The following RAPGEF4 variants were observed in gnomAD, a reference collection of about 807,000 sequenced individuals.
The protein encoded by RAPGEF4 is Rap guanine nucleotide exchange factor 4, also known as RAP guanine-nucleotide-exchange factor (GEF) 4.
In RAPGEF4, 66 loss-of-function variants were observed where a neutral mutation model predicts 147.9. That is an observed-to-expected ratio of 0.45 (90% CI 0.37 to 0.55). RAPGEF4 has a LOEUF of 0.55. Ranked by LOEUF, RAPGEF4 falls within the 20% of genes least tolerant of loss-of-function variation. The pLI, the probability that RAPGEF4 is intolerant of heterozygous loss-of-function variation, is 0.00. For missense variants in RAPGEF4, 1,071 were observed against 1,257.3 expected (o/e 0.85, Z 2.24); for synonymous variants, 419 against 442.7 (o/e 0.95, Z 0.67).
chr2:172,910,027 T>C (rs1699951602), intron 4 of RAPGEF4, among the ~76,000 whole-genome samples: 1 of 152,200 alleles, frequency 6.6e-6, no homozygotes. Context: ...CCAGGTGCCA[T>C]GCGTGCTCTG....
chr2:172,926,265 A>G (rs540778806), intron 6 of RAPGEF4, among the ~76,000 whole-genome samples: 2 of 152,340 alleles, frequency 1.3e-5, no homozygotes, highest in Non-Finnish European at 2.9e-5. Flanking sequence ...AAAAATCACA[A>G]TGATAAGAAA....
intron 1 of RAPGEF4, among the ~76,000 whole-genome samples, chr2:172,743,099 T>C (rs1694444445): frequency 6.6e-6 from 1 of 152,196 alleles, no homozygotes; most frequent in Admixed American, 6.5e-5. Flanking sequence ...AGCTAGTTTT[T>C]CTTCAGTCAG....
intron 4 of RAPGEF4, among the ~76,000 whole-genome samples, chr2:172,852,975 G>A (rs1447947269): frequency 2.0e-5 from 3 of 151,866 alleles, no homozygotes; most frequent in Non-Finnish European, 2.9e-5. Context: ...AACTCTACTT[G>A]TTATGTAAAA....
At chr2:172,948,364 G>T (rs957064670) in intron 6 of RAPGEF4, among the ~76,000 whole-genome samples, 2 of 152,124 alleles carry the variant, frequency 1.3e-5, no homozygotes, top group Admixed American at 1.3e-4. Context: ...CACAATTTTA[G>T]ATATATGTAT....
At chr2:172,823,449 G>A (rs1689301745) in intron 4 of RAPGEF4, among the ~76,000 whole-genome samples, 1 of 152,208 alleles carries the variant, frequency 6.6e-6, no homozygotes, top group Non-Finnish European at 1.5e-5. Flanking sequence ...GGGGTTTAAC[G>A]GGTTCCCCCA....
chr2:173,008,381 G>A (rs1024468664), intron 17 of RAPGEF4, among the ~76,000 whole-genome samples: 33 of 152,112 alleles, frequency 2.2e-4, no homozygotes, highest in African/African-American at 7.7e-4. Flanking sequence ...GTGAACATAC[G>A]TTATAAACCT....
At chr2:173,049,928 G>T (rs1311372054) in intron 30 of RAPGEF4, among the ~76,000 whole-genome samples, 1 of 152,200 alleles carries the variant, frequency 6.6e-6, no homozygotes, top group Non-Finnish European at 1.5e-5. Context: ...CCCAAATCCA[G>T]CAGCGGGGAT....
intron 6 of RAPGEF4, among the ~76,000 whole-genome samples, chr2:172,934,309 C>T (rs1299818570): frequency 6.6e-6 from 1 of 151,886 alleles, no homozygotes; most frequent in Non-Finnish European, 1.5e-5. Flanking sequence ...ACCACCATGC[C>T]CGGCTAATTT....
intron 4 of RAPGEF4, among the ~76,000 whole-genome samples, chr2:172,830,596 CTGT>C (rs937448215): frequency 1.3e-5 from 2 of 151,956 alleles, no homozygotes; most frequent in African/African-American, 2.4e-5. Flanking sequence ...AACAAGAATC[CTGT>C]TTGTTTGTTT....
chr2:172,968,887 C>T (rs1690155689), intron 10 of RAPGEF4, among the ~76,000 whole-genome samples: 2 of 152,166 alleles, frequency 1.3e-5, no homozygotes, highest in Non-Finnish European at 2.9e-5. Context: ...CCCTCTTGTC[C>T]CACTGTCCCT....
chr2:172,862,629 G>C (rs1299671532), intron 4 of RAPGEF4, among the ~76,000 whole-genome samples: 1 of 152,072 alleles, frequency 6.6e-6, no homozygotes, highest in Non-Finnish European at 1.5e-5. Flanking sequence ...TGACTTTAAA[G>C]GTATTAAATA....
At chr2:172,875,041 T>A (rs1241461615) in intron 4 of RAPGEF4, among the ~76,000 whole-genome samples, 1 of 152,270 alleles carries the variant, frequency 6.6e-6, no homozygotes, top group African/African-American at 2.4e-5. Flanking sequence ...TGCATAAATG[T>A]CTTCTTTTGA....
chr2:172,941,916 T>C (rs1248417369), intron 6 of RAPGEF4, among the ~76,000 whole-genome samples: 1 of 152,106 alleles, frequency 6.6e-6, no homozygotes, highest in Non-Finnish European at 1.5e-5. Context: ...CATAGTATGC[T>C]CTCAACAAGT....
intron 4 of RAPGEF4, among the ~76,000 whole-genome samples, chr2:172,846,869 G>A (rs917394359): frequency 1.3e-5 from 2 of 152,138 alleles, no homozygotes; most frequent in Admixed American, 1.3e-4. Context: ...CAGATGCTCT[G>A]TGCTCCTCCC....
intron 15 of RAPGEF4, among the ~76,000 whole-genome samples, chr2:172,991,543 A>G (rs532990098): frequency 6.6e-6 from 1 of 152,336 alleles, no homozygotes; most frequent in East Asian, 1.9e-4. Flanking sequence ...GCAACTTACT[A>G]CATAAGACTG....
intron 5 of RAPGEF4, among the ~76,000 whole-genome samples, chr2:172,921,707 A>T (rs921471786): frequency 1.3e-5 from 2 of 152,218 alleles, no homozygotes; most frequent in Non-Finnish European, 2.9e-5. Context: ...GAGCAAATGG[A>T]TGAGTCATTA....
chr2:172,979,261 C>T (rs1481559508), intron 10 of RAPGEF4, among the ~76,000 whole-genome samples: 1 of 152,144 alleles, frequency 6.6e-6, no homozygotes, highest in Non-Finnish European at 1.5e-5. Context: ...AGAATAAGGA[C>T]ACATCTCCCT....
At position 172,802,043 on chromosome 2, in the gene RAPGEF4, T is replaced by C. The variant is rs148341184; in HGVS notation, c.297+4430T>C. On this transcript the variant is annotated intron_variant, in intron 3 of 30. Coordinates refer to ENST00000397081, the MANE Select transcript of RAPGEF4 (RefSeq NM_007023.4). ...GATAGGGAGGGAAAGTGAAGTACAC[T>C]GTGTACAAGATGGAGACAAAATGGT... Among the ~76,000 whole-genome samples, 423 of 152,192 alleles carry C rather than the reference T, an allele frequency of 2.8e-3. 1 individual carries two copies. Among genetic ancestry groups the C allele is most frequent in the Non-Finnish European group, 5.0e-3 (338 of 67,996 alleles).
At chr2:172,985,351 T>C (rs1692135090) in intron 11 of RAPGEF4, 82 bp from the exon 12 acceptor site, 19 of 1,599,180 alleles carry the variant, frequency 1.2e-5, no homozygotes, top group Non-Finnish European at 1.5e-5. Flanking sequence ...CAGTTTGCAT[T>C]GTGCCCCCAG....
Sources: allele counts gnomAD v4.1 joint callset (sites outside exome capture counted in the v4.1 genomes callset), GRCh38; gene constraint gnomAD v4.1.1; transcripts MANE v1.5; gene names NCBI Gene and HGNC (gene_info 2026-07-23, HGNC 2026-07-21).